The following HSD17B2 variants were observed in gnomAD, a reference collection of about 807,000 sequenced individuals.
The protein encoded by HSD17B2 is 17-beta-hydroxysteroid dehydrogenase type 2.
Under a neutral mutation model 26.9 loss-of-function variants are expected in HSD17B2, and 32 were observed. The observed-to-expected ratio is 1.19, with a 90% CI of 0.90 to 1.60. The LOEUF is 1.60. Ranked by LOEUF, HSD17B2 falls within the 40% of genes most tolerant of loss-of-function variation. HSD17B2 has a pLI of 0.00. For synonymous variants in HSD17B2, 246 were observed against 186.7 expected, an observed-to-expected ratio of 1.32 and a Z score of -2.59; for missense variants, 613 against 468.6, an observed-to-expected ratio of 1.31 and a Z score of -2.85.
chr16:82,095,067 A>T (rs952368196), intron 4 of HSD17B2: 1 of 152,212 alleles, frequency 6.6e-6, no homozygotes, highest in African/African-American at 2.4e-5. Context: ...CAAAAGGCTG[A>T]TGGCTTTGTC....
At chr16:82,077,082 C>T (rs887331113) in intron 3 of HSD17B2, among the ~76,000 whole-genome samples, 5 of 152,146 alleles carry the variant, frequency 3.3e-5, no homozygotes, top group South Asian at 4.1e-4. Flanking sequence ...GTTAAAACGT[C>T]CATACTATTC....
intron 1 of HSD17B2, among the ~76,000 whole-genome samples, chr16:82,041,406 C>T (rs141395828): frequency 1.6e-4 from 25 of 152,330 alleles, no homozygotes; most frequent in Non-Finnish European, 3.4e-4. Context: ...ATAAAAAGGG[C>T]AGAGTGACAT....
intron 3 of HSD17B2, among the ~76,000 whole-genome samples, chr16:82,080,087 G>C (rs555851868): frequency 6.6e-6 from 1 of 152,242 alleles, no homozygotes; most frequent in African/African-American, 2.4e-5. Context: ...ATGGAACTTT[G>C]CACCAGCCAG....
intron 1 of HSD17B2, among the ~76,000 whole-genome samples, chr16:82,067,891 C>T (rs1051380004): frequency 6.6e-6 from 1 of 152,236 alleles, no homozygotes; most frequent in African/African-American, 2.4e-5. Flanking sequence ...CCACCAGCCA[C>T]TCCTGGACTA....
intron 3 of HSD17B2, among the ~76,000 whole-genome samples, chr16:82,080,695 A>G (rs747330963): frequency 3.3e-5 from 5 of 152,214 alleles, no homozygotes; most frequent in Non-Finnish European, 7.3e-5. Context: ...ACATGCACCT[A>G]ATTACCGATT....
At chr16:82,041,997 CT>C (rs537013953) in intron 1 of HSD17B2, among the ~76,000 whole-genome samples, 345 of 141,348 alleles carry the variant, frequency 2.4e-3, no homozygotes, top group South Asian at 4.3e-3. Context: ...CTTTTCTTTT[CT>C]TTTTTTTTTT....
intron 1 of HSD17B2, among the ~76,000 whole-genome samples, chr16:82,050,158 T>C (rs1914062987): frequency 6.6e-6 from 1 of 152,236 alleles, no homozygotes; most frequent in East Asian, 1.9e-4. Flanking sequence ...ATGTACTCAG[T>C]TCCACTGGAT....
chr16:82,069,550 C>A (rs1914650025), intron 2 of HSD17B2, among the ~76,000 whole-genome samples: 1 of 152,220 alleles, frequency 6.6e-6, no homozygotes, highest in African/African-American at 2.4e-5. Context: ...GCTCTCCAAT[C>A]TTTCTTTCCA....
intron 1 of HSD17B2, among the ~76,000 whole-genome samples, chr16:82,045,142 AAGAG>A (rs1174914507): frequency 2.0e-5 from 3 of 150,536 alleles, no homozygotes; most frequent in African/African-American, 7.4e-5. Flanking sequence ...AAAAAAAAAA[AAGAG>A]AGAAAAAAGA....
chr16:82,084,306 T>C (rs1338310120), intron 3 of HSD17B2, among the ~76,000 whole-genome samples: 1 of 152,108 alleles, frequency 6.6e-6, no homozygotes, highest in Non-Finnish European at 1.5e-5. Context: ...ATATGTGTCC[T>C]TGACCCACTA....
intron 2 of HSD17B2, among the ~76,000 whole-genome samples, chr16:82,069,775 A>C (rs1339649130): frequency 6.6e-6 from 1 of 152,148 alleles, no homozygotes; most frequent in Non-Finnish European, 1.5e-5. Context: ...CCCAATGCAA[A>C]ATGAAAACAT....
At chr16:82,073,048 G>C (rs1283808776) in intron 3 of HSD17B2, among the ~76,000 whole-genome samples, 1 of 152,060 alleles carries the variant, frequency 6.6e-6, no homozygotes, top group Non-Finnish European at 1.5e-5. Context: ...GTGAGAGAGT[G>C]AGACGCTCTC....
chr16:82,063,679 G>A (rs1206368347), intron 1 of HSD17B2, among the ~76,000 whole-genome samples: 1 of 152,194 alleles, frequency 6.6e-6, no homozygotes, highest in Non-Finnish European at 1.5e-5. Context: ...TGCTAAAGAG[G>A]CATAAACAAG....
At chr16:82,068,108 T>C in intron 1 of HSD17B2, 62 bp from the exon 2 acceptor site, 1 of 1,373,626 alleles carries the variant, frequency 7.3e-7, no homozygotes, top group Non-Finnish European at 1.0e-6. Context: ...GTTTTCCTTG[T>C]TAAATATTTT....
rs1048138842 is a variant in HSD17B2 at position 82,098,091 on chromosome 16, T to G, written c.819T>G (p.Ser273Arg). The part of the protein sequence containing the change: ...GGFLTNIAGT[S>R]DKWEKLEKDI... ...TCACCCCAGATATCGCAGGCACCAGTGACAAGTGGGAAAAGCTGGAGAAGG... is the reference window on the plus strand; with the variant it reads ...TCACCCCAGATATCGCAGGCACCAGGGACAAGTGGGAAAAGCTGGAGAAGG... The change falls in exon 5 of 5, where the codon AGT (serine) becomes AGG (arginine). Residue 273 changes from serine (S) to arginine (R), a missense_variant. Physicochemically the swap from Ser to Arg is moderately radical, Grantham distance 110. Transcript: ENST00000199936. The G allele has an allele frequency of 1.2e-6, 2 of 1,612,416 alleles. No homozygotes were observed. Among genetic ancestry groups the G allele is most frequent in the East Asian group, 4.5e-5 (2 of 44,868 alleles).
chr16:82,065,167 G>A (rs1439501103), intron 1 of HSD17B2, among the ~76,000 whole-genome samples: 1 of 152,200 alleles, frequency 6.6e-6, no homozygotes, highest in Non-Finnish European at 1.5e-5. Context: ...GCCAAAGGAA[G>A]GATTGGAAAG....
Position 82,068,343 on chromosome 16 carries a change from G to A in HSD17B2, c.439G>A (p.Asp147Asn), listed in dbSNP as rs547720203. ...CATCACGAAGCCAGTGCAGATAAAAGATGCTTACAGCAAGGTTGCAGCAAT... is the reference window on the plus strand; with the variant it reads ...CATCACGAAGCCAGTGCAGATAAAAAATGCTTACAGCAAGGTTGCAGCAAT... ...MDITKPVQIK[D>N]AYSKVAAMLQ... is the part of the protein sequence containing the mutation. Residue 147 changes from aspartate to asparagine, a missense_variant, in exon 2 of 5, where the codon GAT (aspartate) becomes AAT (asparagine). Transcript: ENST00000199936. 3.7e-6 allele frequency: 6 copies of A among 1,613,570 alleles called. No homozygotes were observed. In the Admixed American group the frequency reaches 1.0e-4, roughly 27 times the overall value.
At chr16:82,073,779 A>G (rs1271049167) in intron 3 of HSD17B2, among the ~76,000 whole-genome samples, 1 of 152,230 alleles carries the variant, frequency 6.6e-6, no homozygotes, top group Non-Finnish European at 1.5e-5. Context: ...ACTCTGCCCA[A>G]AGCAATTTAT....
At chr16:82,066,622 G>C (rs544285586) in intron 1 of HSD17B2, among the ~76,000 whole-genome samples, 1 of 152,108 alleles carries the variant, frequency 6.6e-6, no homozygotes, top group African/African-American at 2.4e-5. Context: ...GAAAACTTAG[G>C]GAATCTCTCC....
Sources: gnomAD v4.1 joint callset for allele counts (sites outside exome capture counted in the v4.1 genomes callset) on GRCh38, gnomAD v4.1.1 for gene constraint, MANE v1.5 for transcripts, NCBI Gene and HGNC (gene_info 2026-07-23, HGNC 2026-07-21) for gene names.